IQGAP2: variants seen among roughly 807,000 people sequenced by gnomAD.
IQGAP2 encodes the protein ras GTPase-activating-like protein IQGAP2.
IQGAP2 carries 173 observed loss-of-function variants against 201.3 expected under a neutral mutation model. The observed-to-expected ratio is 0.86, with a 90% confidence interval of 0.76 to 0.98. The LOEUF (loss-of-function observed/expected upper bound fraction) is 0.98, where lower values mean the gene tolerates loss of function less well. IQGAP2 is among the 50% of genes least tolerant of loss of function. IQGAP2 has a pLI of 0.00. For synonymous variants in IQGAP2, 675 were observed against 673.9 expected, an observed-to-expected ratio of 1.00 and a Z score of -0.03; for missense variants, 1,687 against 1,864.8, an observed-to-expected ratio of 0.90 and a Z score of 1.76.
At chr5:76,524,077 A>AC (rs1758839860) in intron 2 of IQGAP2, among the ~76,000 whole-genome samples, 2 of 152,190 alleles carry the variant, frequency 1.3e-5, no homozygotes, top group Admixed American at 1.3e-4. Flanking sequence ...AGATGTGTGC[A>AC]AGCCTTGTTG....
chr5:76,531,646 G>A (rs4704324), intron 2 of IQGAP2, among the ~76,000 whole-genome samples: 66,686 of 151,980 alleles, frequency 0.44, 15,608 homozygotes, highest in East Asian at 0.91. Context: ...TCTGTTCCTC[G>A]GAACACTGTC....
At chr5:76,608,562 A>T (rs1747995661) in intron 12 of IQGAP2, among the ~76,000 whole-genome samples, 1 of 152,074 alleles carries the variant, frequency 6.6e-6, no homozygotes, top group Non-Finnish European at 1.5e-5. Context: ...AAGGTGCATT[A>T]CTCTTGCCTC....
At chr5:76,442,674 T>G (rs1276549815) in intron 1 of IQGAP2, among the ~76,000 whole-genome samples, 2 of 152,166 alleles carry the variant, frequency 1.3e-5, no homozygotes, top group Non-Finnish European at 2.9e-5. Flanking sequence ...CAGTTCTTTC[T>G]TATTTCTCCT....
intron 33 of IQGAP2, among the ~76,000 whole-genome samples, chr5:76,698,686 T>A (rs925985678): frequency 1.3e-5 from 2 of 152,192 alleles, no homozygotes; most frequent in African/African-American, 4.8e-5. Flanking sequence ...TTAATGAATA[T>A]CCTTTGCTTA....
At position 76,664,817 on chromosome 5, in the gene IQGAP2, G is replaced by T. The variant is rs114300182; in HGVS notation, c.2530-209G>T. Among the ~76,000 whole-genome samples, 963 of 152,218 alleles carry T rather than the reference G, an allele frequency of 6.3e-3. 5 individuals carry two copies. Among genetic ancestry groups the T allele is most frequent in the African/African-American group, 0.022 (899 of 41,518 alleles). ...AAGCACATGCTATTGGAAAAAAATG[G>T]TGACAATAGGCATGTTCAATGTAGG... On this transcript the variant is annotated intron_variant, in intron 21 of 35. Coordinates refer to ENST00000274364, the MANE Select transcript of IQGAP2 (RefSeq NM_006633.5).
At chr5:76,622,297 T>C (rs937034128) in intron 13 of IQGAP2, among the ~76,000 whole-genome samples, 3 of 152,222 alleles carry the variant, frequency 2.0e-5, no homozygotes, top group Non-Finnish European at 4.4e-5. Context: ...CGTGCACTTA[T>C]TATATTCATA....
At chr5:76,477,193 T>C (rs1755484756) in intron 2 of IQGAP2, among the ~76,000 whole-genome samples, 1 of 151,422 alleles carries the variant, frequency 6.6e-6, no homozygotes, top group Admixed American at 6.6e-5. Flanking sequence ...AAAAAAAAAT[T>C]AACCAGGCAT....
At chr5:76,681,089 CAAAAAAAAA>C (rs34896356) in intron 28 of IQGAP2, among the ~76,000 whole-genome samples, 1 of 52,952 alleles carries the variant, frequency 1.9e-5, no homozygotes, top group African/African-American at 8.1e-5. Context: ...GACTTTGTCT[CAAAAAAAAA>C]AAAAAAAAAA....
At chr5:76,569,122 T>C (rs1744939009) in intron 3 of IQGAP2, among the ~76,000 whole-genome samples, 1 of 152,194 alleles carries the variant, frequency 6.6e-6, no homozygotes, top group African/African-American at 2.4e-5. Flanking sequence ...TCATTAGTAG[T>C]TAATTTTTGC....
intron 9 of IQGAP2, among the ~76,000 whole-genome samples, chr5:76,593,618 T>A (rs10079178): frequency 0.24 from 36,078 of 152,160 alleles, 4,537 homozygotes; most frequent in South Asian, 0.46. Flanking sequence ...CTATTTTTAC[T>A]TGAGCATCAG....
At chr5:76,529,932 T>C (rs1274556145) in intron 2 of IQGAP2, among the ~76,000 whole-genome samples, 2 of 152,202 alleles carry the variant, frequency 1.3e-5, no homozygotes, top group African/African-American at 4.8e-5. Flanking sequence ...TTATCATCTC[T>C]GAGCAACTGG....
At chr5:76,649,077 A>G (rs1302822820) in intron 17 of IQGAP2, among the ~76,000 whole-genome samples, 2 of 152,274 alleles carry the variant, frequency 1.3e-5, no homozygotes, top group African/African-American at 2.4e-5. Flanking sequence ...AAATTCACAC[A>G]AAGACATATC....
At chr5:76,589,493 T>C in intron 6 of IQGAP2, 122 bp from the exon 7 acceptor site, 4 of 557,406 alleles carry the variant, frequency 7.2e-6, no homozygotes, top group Non-Finnish European at 1.2e-5. Context: ...CTAAGGCTCT[T>C]GTTTACAAAC....
chr5:76,639,380 T>C (rs1466874691), intron 16 of IQGAP2, among the ~76,000 whole-genome samples: 2 of 152,204 alleles, frequency 1.3e-5, no homozygotes, highest in Non-Finnish European at 2.9e-5. Context: ...ATGTGCCCAT[T>C]GCTCTGGAAT....
At chr5:76,615,175 C>T (rs1748822887) in intron 13 of IQGAP2, among the ~76,000 whole-genome samples, 1 of 152,206 alleles carries the variant, frequency 6.6e-6, no homozygotes, top group Non-Finnish European at 1.5e-5. Flanking sequence ...ATGAGTTATA[C>T]TCCACCAAAA....
intron 5 of IQGAP2, among the ~76,000 whole-genome samples, chr5:76,576,212 A>AT (rs35095048): frequency 0.56 from 85,416 of 151,928 alleles, 24,844 homozygotes; most frequent in East Asian, 0.76. Flanking sequence ...AAGAAAATAG[A>AT]GGTAAGAATG....
At chr5:76,613,632 G>A (rs2150346502) in intron 13 of IQGAP2, among the ~76,000 whole-genome samples, 1 of 152,286 alleles carries the variant, frequency 6.6e-6, no homozygotes, top group East Asian at 1.9e-4. Flanking sequence ...AAATAATGTA[G>A]CTAGTATTAT....
chr5:76,645,184 C>G (rs190185167), intron 17 of IQGAP2, among the ~76,000 whole-genome samples: 1 of 152,238 alleles, frequency 6.6e-6, no homozygotes, highest in East Asian at 1.9e-4. Context: ...TGAACTCATC[C>G]TTTTTTATGG....
intron 11 of IQGAP2, among the ~76,000 whole-genome samples, chr5:76,605,039 A>G (rs1327168565): frequency 6.6e-6 from 1 of 152,198 alleles, no homozygotes; most frequent in African/African-American, 2.4e-5. Flanking sequence ...CTCATTATGT[A>G]CACAGAAGAT....
Sources: gnomAD v4.1 joint callset for allele counts (sites outside exome capture counted in the v4.1 genomes callset) on GRCh38, gnomAD v4.1.1 for gene constraint, MANE v1.5 for transcripts, NCBI Gene and HGNC (gene_info 2026-07-23, HGNC 2026-07-21) for gene names.